Variants in ZNF160 observed in about 807,000 individuals in gnomAD.
ZNF160 encodes zinc finger protein 160.
In ZNF160, 9 loss-of-function variants were observed where a neutral mutation model predicts 13.1. That is an observed-to-expected ratio of 0.69 (90% CI 0.41 to 1.20). ZNF160 has a LOEUF of 1.20. Among genes scored for constraint, ZNF160 ranks in the 50% most tolerant of loss-of-function variants. The probability of loss-of-function intolerance (pLI) is 0.01; values close to 1 mark genes in which losing one functional copy is unlikely to be tolerated. For missense variants in ZNF160, 838 were observed against 988.0 expected (o/e 0.85, Z 2.04); for synonymous variants, 293 against 333.2 (o/e 0.88, Z 1.31).
At chr19:53,072,953 A>C (rs329735) in intron 5 of ZNF160, 1 of 753,098 alleles carries the variant, frequency 1.3e-6, no homozygotes, top group East Asian at 1.3e-4. Context: ...TATGATTTTT[A>C]AAAAAATTCT....
chr19:53,086,028 G>A (rs2084817095), intron 3 of ZNF160: 3 of 1,423,584 alleles, frequency 2.1e-6, no homozygotes, highest in Non-Finnish European at 2.9e-6. Flanking sequence ...CTCCATCCAT[G>A]TCTGGGTGTG....
chr19:53,073,552 A>G (rs768289118), intron 5 of ZNF160: 2 of 1,563,718 alleles, frequency 1.3e-6, no homozygotes, highest in Non-Finnish European at 1.7e-6. Flanking sequence ...ACAGGTCTAG[A>G]CGTCAGGACT....
Position 53,085,309 on chromosome 19 carries a change from A to G in ZNF160, c.15+953T>C, listed in dbSNP as rs2084790078. On this transcript the variant is annotated intron_variant, in intron 3 of 5. Coordinates refer to ENST00000683776, the MANE Select transcript of ZNF160 (RefSeq NM_001322131.2). ...AGGAATTTGTTTAAATCTCATAATGATGTCAAAATACATTTCTACAGGACT... is the reference window on the plus strand; with the variant it reads ...AGGAATTTGTTTAAATCTCATAATGGTGTCAAAATACATTTCTACAGGACT... 4.5e-6 allele frequency: 3 copies of G among 668,148 alleles called. No individual in the cohort carries two copies. In the African/African-American group the frequency reaches 5.9e-5, roughly 13 times the overall value. 41.4% of individuals were successfully genotyped at this position (668,148 alleles called of 1,614,324 possible).
chr19:53,081,564 C>A (rs926830552), intron 3 of ZNF160, among the ~76,000 whole-genome samples: 2 of 151,920 alleles, frequency 1.3e-5, no homozygotes, highest in African/African-American at 4.8e-5. Flanking sequence ...TAATGAGACA[C>A]CATTTCATAC....
rs758126227 is a variant in ZNF160 at position 53,068,775 on chromosome 19, G to T, written c.1759C>A (p.His587Asn). 6.2e-7 allele frequency: 1 copy of T among 1,612,834 alleles called. No homozygotes were observed. The highest frequency in any genetic ancestry group is 1.7e-5 in the Admixed American group (1 of 60,002). ...CACTTGTAAGGTTTTTCTCCAGTAT[G>T]AACTCTCCAATGCCTTGCAAGTTGT... is the stretch of plus-strand genomic sequence containing the variant. ...TSQLARHWRV[H>N]TGEKPYKCND... Residue 587 changes from histidine (H) to asparagine (N), a missense_variant, in exon 6 of 6, where the codon CAT becomes AAT. Transcript: ENST00000683776.
At chr19:53,076,610 G>C (rs1345931990) in intron 3 of ZNF160, among the ~76,000 whole-genome samples, 2 of 152,204 alleles carry the variant, frequency 1.3e-5, no homozygotes, top group African/African-American at 4.8e-5. Flanking sequence ...CTGCACTCCA[G>C]CCTGGGTGAC....
chr19:53,095,733 T>C (rs2085209053), intron 1 of ZNF160: 1 of 152,078 alleles, frequency 6.6e-6, no homozygotes, highest in African/African-American at 2.4e-5. Context: ...ATGCACAATG[T>C]TCAGTCGTTT....
intron 3 of ZNF160, among the ~76,000 whole-genome samples, chr19:53,077,994 C>A (rs545821900): frequency 6.6e-6 from 1 of 152,166 alleles, no homozygotes; most frequent in South Asian, 2.1e-4. Context: ...GTAATCCCAG[C>A]ACTTTGGGAG....
rs374134545 is a variant in ZNF160 at position 53,074,168 on chromosome 19, C to T, written c.243G>A (p.Thr81=). ...SCVKIARKPR[T]PECVKGVVTD... ...TGACCACGCCTTTGACACATTCCGG[C>T]GTTCTTGGTTTTCTTGCTATTTTCA... The change falls in exon 5 of 6, where the codon ACG becomes ACA. Residue 81 remains threonine (T), a synonymous_variant. Transcript: ENST00000683776. 1.9e-5 allele frequency: 30 copies of T among 1,613,850 alleles called. No individual in the cohort carries two copies. Among genetic ancestry groups the T allele is most frequent in the African/African-American group, 5.3e-5 (4 of 74,858 alleles).
intron 1 of ZNF160, chr19:53,093,617 G>A (rs1010314584): frequency 2.0e-5 from 3 of 152,052 alleles, no homozygotes; most frequent in Admixed American, 6.6e-5. Context: ...ATCCAGCCTG[G>A]GCAACATAGT....
At chr19:53,087,152 C>T (rs1600876514) in intron 2 of ZNF160, among the ~76,000 whole-genome samples, 1 of 152,146 alleles carries the variant, frequency 6.6e-6, no homozygotes, top group South Asian at 2.1e-4. Context: ...GAGGGCCAGC[C>T]CACATGGAAG....
chr19:53,100,730 C>G (rs2085415352), intron 1 of ZNF160, among the ~76,000 whole-genome samples: 1 of 152,158 alleles, frequency 6.6e-6, no homozygotes, highest in South Asian at 2.1e-4. Context: ...CGTAGTGGCT[C>G]ACGCCTGTAA....
intron 1 of ZNF160, chr19:53,095,761 G>A (rs1414790152): frequency 2.7e-5 from 4 of 150,936 alleles, no homozygotes; most frequent in Non-Finnish European, 5.9e-5. Context: ...CATCTCCCGT[G>A]GAATCCTAAG....
rs1487322486 is a variant in ZNF160, at chr19:53,075,868, G to A, written c.16-685C>T. 8 of 516,942 alleles carry A rather than the reference G, an allele frequency of 1.5e-5. No individual in the cohort carries two copies. The East Asian group carries it at 3.8e-4, about 25-fold the overall frequency. 32.0% of individuals were successfully genotyped at this position (516,942 alleles called of 1,614,324 possible). A position where few individuals can be genotyped will look rare whatever the true frequency, so the allele number is the denominator to read the frequency against. On this transcript the variant is annotated intron_variant, in intron 3 of 5. Transcript: ENST00000683776. ...GAAGCACAGGCCACAACTTGTGTTTGTGACTGGCATTAATGTGTGTGCGCT... is the reference window on the plus strand; with the variant it reads ...GAAGCACAGGCCACAACTTGTGTTTATGACTGGCATTAATGTGTGTGCGCT...
intron 3 of ZNF160, among the ~76,000 whole-genome samples, chr19:53,078,906 T>C (rs932657980): frequency 1.3e-5 from 2 of 151,674 alleles, no homozygotes; most frequent in African/African-American, 4.8e-5. Flanking sequence ...TCTCAAACAA[T>C]TCCAAATAAG....
intron 2 of ZNF160, among the ~76,000 whole-genome samples, chr19:53,090,102 C>T (rs2084979104): frequency 6.6e-6 from 1 of 151,776 alleles, no homozygotes; most frequent in Non-Finnish European, 1.5e-5. Context: ...TCTCTGGCAC[C>T]CCCAGATCCA....
At position 53,069,733 on chromosome 19, in the gene ZNF160, A is replaced by C. The variant is rs2084093735; in HGVS notation, c.801T>G (p.Thr267=). Residue 267 remains threonine, a synonymous_variant, in exon 6 of 6, where the codon ACT becomes ACG. Transcript: ENST00000683776. The surrounding 1 kb of genome is among the most constrained non-coding windows in gnomAD (Gnocchi z 4.4). ...TATGACTTGTAAGGTTCGAATTCTG[A>C]GTGAACGCCTTGCCACATTCATTAC... ...YKCNECGKAF[T]QNSNLTSHRR... 6.2e-7 allele frequency: 1 copy of C among 1,614,096 alleles called. No individual in the cohort carries two copies. The highest frequency in any genetic ancestry group is 1.7e-5 in the Admixed American group (1 of 60,000).
At chr19:53,087,748 C>T (rs1371534401) in intron 2 of ZNF160, among the ~76,000 whole-genome samples, 4 of 152,122 alleles carry the variant, frequency 2.6e-5, no homozygotes, top group East Asian at 1.9e-4. Context: ...GATAGGGTTT[C>T]GCCATGTTGG....
intron 3 of ZNF160, among the ~76,000 whole-genome samples, chr19:53,083,670 C>A (rs2084720436): frequency 1.3e-5 from 2 of 152,190 alleles, no homozygotes; most frequent in Non-Finnish European, 2.9e-5. Flanking sequence ...GAGGCACAGT[C>A]AGGAGGATGG....
Sources: gnomAD v4.1 joint callset for allele counts (sites outside exome capture counted in the v4.1 genomes callset) on GRCh38, gnomAD v4.1.1 for gene constraint, Gnocchi (gnomAD v3.1) non-coding constraint, MANE v1.5 for transcripts, NCBI Gene and HGNC (gene_info 2026-07-23, HGNC 2026-07-21) for gene names.